USP47: variants seen among roughly 807,000 people sequenced by gnomAD.
The protein encoded by USP47 is ubiquitin carboxyl-terminal hydrolase 47.
USP47 carries 35 observed loss-of-function variants against 165.1 expected under a neutral mutation model. That is an observed-to-expected ratio of 0.21 (90% CI 0.16 to 0.28). The LOEUF is 0.28. USP47 is among the 10% of genes least tolerant of loss of function. The pLI, the probability that USP47 is intolerant of heterozygous loss-of-function variation, is 1.00. For missense variants in USP47, 1,277 were observed against 1,607.4 expected (o/e 0.79, Z 3.52); for synonymous variants, 531 against 544.5 (o/e 0.98, Z 0.35).
rs565102635 is a variant in USP47 at position 11,878,452 on chromosome 11, A to C, written c.40-1725A>C. On this transcript the variant is annotated intron_variant, in intron 1 of 27. Transcript: ENST00000527733. Reference sequence around the variant, plus strand: ...ATTTTGAGTCATTTACTCTTTCATCATAAACCAGCATTTTTAAAAAGATCT... The same window carrying C: ...ATTTTGAGTCATTTACTCTTTCATCCTAAACCAGCATTTTTAAAAAGATCT... Among the ~76,000 whole-genome samples the C allele has an allele frequency of 2.0e-3, 304 of 152,300 alleles. 2 individuals carry two copies. The highest frequency in any genetic ancestry group is 7.0e-3 in the African/African-American group (291 of 41,592).
At chr11:11,885,434 A>G (rs1256126795) in intron 3 of USP47, among the ~76,000 whole-genome samples, 1 of 152,128 alleles carries the variant, frequency 6.6e-6, no homozygotes, top group African/African-American at 2.4e-5. Context: ...CACAAAGCCA[A>G]AGGAATCCCC....
intron 8 of USP47, among the ~76,000 whole-genome samples, chr11:11,914,863 CTA>C (rs1373483895): frequency 3.3e-5 from 5 of 152,096 alleles, no homozygotes; most frequent in Admixed American, 2.0e-4. Context: ...AATCTGGTGA[CTA>C]TGTGGAGAAA....
At chr11:11,890,988 AACACAC>A (rs1469569592) in intron 3 of USP47, among the ~76,000 whole-genome samples, 4 of 152,082 alleles carry the variant, frequency 2.6e-5, no homozygotes, top group Non-Finnish European at 5.9e-5. Flanking sequence ...GGGAGGGAAC[AACACAC>A]ACTGGGGCAT....
intron 1 of USP47, among the ~76,000 whole-genome samples, chr11:11,872,656 C>G (rs1027642932): frequency 1.3e-5 from 2 of 152,168 alleles, no homozygotes; most frequent in Non-Finnish European, 2.9e-5. Context: ...GCATCACCTC[C>G]TTGAGAGCAG....
chr11:11,937,437 G>A (rs1320199939), intron 17 of USP47, among the ~76,000 whole-genome samples: 1 of 151,742 alleles, frequency 6.6e-6, no homozygotes, highest in Non-Finnish European at 1.5e-5. Context: ...TTACAGAGTA[G>A]GTTAGATGTA....
chr11:11,849,463 A>T (rs1848608862), intron 1 of USP47, among the ~76,000 whole-genome samples: 1 of 152,160 alleles, frequency 6.6e-6, no homozygotes. Context: ...TGCACTGCAC[A>T]AGACAGCCTC....
At chr11:11,955,800 T>C (rs1048142990) in intron 27 of USP47, among the ~76,000 whole-genome samples, 2 of 152,212 alleles carry the variant, frequency 1.3e-5, no homozygotes, top group African/African-American at 2.4e-5. Context: ...TGGAAGTTAT[T>C]CTCCGCCACT....
intron 14 of USP47, among the ~76,000 whole-genome samples, chr11:11,931,960 A>G (rs1409345696): frequency 1.3e-5 from 2 of 152,162 alleles, no homozygotes; most frequent in East Asian, 1.9e-4. Flanking sequence ...TAGCCTCACA[A>G]ATTATATCAG....
intron 1 of USP47, among the ~76,000 whole-genome samples, chr11:11,846,689 A>G (rs921508533): frequency 3.9e-5 from 6 of 152,176 alleles, no homozygotes; most frequent in African/African-American, 1.4e-4. Flanking sequence ...GCAACCTCAG[A>G]GTACATAAGA....
chr11:11,933,421 G>A (rs1176692453), intron 15 of USP47, among the ~76,000 whole-genome samples: 1 of 151,970 alleles, frequency 6.6e-6, no homozygotes, highest in East Asian at 1.9e-4. Flanking sequence ...TTTATCAAGA[G>A]CCTTAAGCAA....
Position 11,904,791 on chromosome 11 carries a change from A to T in USP47, c.820-608A>T, listed in dbSNP as rs550465140. Among the ~76,000 whole-genome samples the T allele has an allele frequency of 5.1e-4, 78 of 152,018 alleles. No individual in the cohort carries two copies. In the South Asian group the frequency reaches 0.016, roughly 30 times the overall value. ...TATTTTGAGAGAGGTGGATTTTAAG[A>T]TTTTTTTTGAATTTCCATACATTTT... is the stretch of plus-strand genomic sequence containing the variant. On this transcript the variant is annotated intron_variant, in intron 7 of 27. Coordinates refer to ENST00000527733, the MANE Select transcript of USP47 (RefSeq NM_001282659.2).
chr11:11,876,470 C>T (rs1850427229), intron 1 of USP47, among the ~76,000 whole-genome samples: 1 of 152,120 alleles, frequency 6.6e-6, no homozygotes, highest in Admixed American at 6.5e-5. Context: ...TAACAGTGGA[C>T]CCTAAAGTTT....
At chr11:11,943,213 A>G (rs1307803195) in intron 20 of USP47, 101 bp downstream of exon 20, 2 of 1,312,874 alleles carry the variant, frequency 1.5e-6, no homozygotes, top group African/African-American at 1.5e-5. Flanking sequence ...TTCTAAGATC[A>G]TTTGTAACTT....
At chr11:11,867,578 G>C (rs984939833) in intron 1 of USP47, among the ~76,000 whole-genome samples, 2 of 151,918 alleles carry the variant, frequency 1.3e-5, no homozygotes, top group East Asian at 3.9e-4. Context: ...TTTATTTCTT[G>C]AAGCATGTTA....
At position 11,956,278 on chromosome 11, in the gene USP47, A is replaced by ACTGG; in HGVS notation, c.*103_*104insCTGG. The ACTGG allele has an allele frequency of 7.8e-7, 1 of 1,287,374 alleles. No individual in the cohort carries two copies. The highest frequency in any genetic ancestry group is 1.1e-6 in the Non-Finnish European group (1 of 911,790). The allele number at this position is 1,287,374 out of a possible 1,614,324, so 79.7% of individuals were successfully genotyped here. A position where few individuals can be genotyped will look rare whatever the true frequency, so the allele number is the denominator to read the frequency against. ...TGGCCGGACATGGTTGGGGTAACCC[A>ACTGG]GTGACACCAGCACTGATTGGACTGC... is the stretch of plus-strand genomic sequence containing the variant. On this transcript the variant is annotated 3_prime_UTR_variant, in exon 28 of 28. Transcript: ENST00000527733.
intron 11 of USP47, among the ~76,000 whole-genome samples, chr11:11,925,191 T>TC (rs904970348): frequency 1.3e-5 from 2 of 151,720 alleles, no homozygotes; most frequent in Admixed American, 1.3e-4. Flanking sequence ...CACTGCAAGT[T>TC]CCACCTCCCA....
At chr11:11,857,509 GA>G (rs1361868429) in intron 1 of USP47, among the ~76,000 whole-genome samples, 1 of 152,100 alleles carries the variant, frequency 6.6e-6, no homozygotes, top group East Asian at 1.9e-4. Flanking sequence ...AGAGTTCTAA[GA>G]AAAGTAGACG....
At chr11:11,882,823 A>G (rs2030671755) in intron 2 of USP47, among the ~76,000 whole-genome samples, 1 of 152,108 alleles carries the variant, frequency 6.6e-6, no homozygotes, top group Non-Finnish European at 1.5e-5. Context: ...TATAAATTTC[A>G]TATCCTCCAT....
chr11:11,936,626 A>G, intron 17 of USP47, 116 bp downstream of exon 17: 1 of 865,750 alleles, frequency 1.2e-6, no homozygotes, highest in Non-Finnish European at 1.6e-6. Context: ...CTTAAAATGT[A>G]GAATAATTTT....
Sources: gnomAD v4.1 joint callset for allele counts (sites outside exome capture counted in the v4.1 genomes callset) on GRCh38, gnomAD v4.1.1 for gene constraint, MANE v1.5 for transcripts, NCBI Gene and HGNC (gene_info 2026-07-23, HGNC 2026-07-21) for gene names.